The following VAV2 variants were observed in gnomAD, a reference collection of about 807,000 sequenced individuals.
VAV2 encodes vav guanine nucleotide exchange factor 2, also known as guanine nucleotide exchange factor VAV2.
A neutral mutation model predicts 132.5 loss-of-function variants in VAV2; 67 were observed. The ratio of observed to expected loss-of-function variants is 0.51; its 90% CI spans 0.42 to 0.62. The LOEUF is 0.62. Among genes scored for constraint, VAV2 ranks in the 20% least tolerant of loss-of-function variants. The pLI is 0.00. For synonymous variants in VAV2, 492 were observed against 443.5 expected, an observed-to-expected ratio of 1.11 and a Z score of -1.37; for missense variants, 938 against 1,153.6, an observed-to-expected ratio of 0.81 and a Z score of 2.71.
Position 133,762,677 on chromosome 9 carries a change from G to T in VAV2, c.*1385C>A. On this transcript the variant is annotated 3_prime_UTR_variant, in exon 30 of 30. Coordinates refer to ENST00000371850, the MANE Select transcript of VAV2 (RefSeq NM_001134398.2). This position sits in a 1 kb window ranked among gnomAD's most constrained non-coding sequence, Gnocchi z 5.0. ...TCCCCCTGCCGCTCCCCATCCCCAT[G>T]ACTCCTCCCGCCTCTTCCCTACACC... The T allele has an allele frequency of 6.6e-6, 1 of 152,334 alleles. No homozygotes were observed. Among genetic ancestry groups the T allele is most frequent in the Non-Finnish European group, 1.5e-5 (1 of 68,230 alleles). The allele number at this position is 152,334 out of a possible 1,614,324, so 9.4% of individuals were successfully genotyped here. A position where few individuals can be genotyped will look rare whatever the true frequency, so the allele number is the denominator to read the frequency against.
intron 4 of VAV2, among the ~76,000 whole-genome samples, chr9:133,817,686 C>T (rs186682141): frequency 2.0e-5 from 3 of 152,322 alleles, no homozygotes; most frequent in East Asian, 3.9e-4. Context: ...TTCCCTCTGC[C>T]GTGTGCAACT....
At chr9:133,771,820 A>T (rs1833636653) in intron 26 of VAV2, 139 bp downstream of exon 26, 1 of 829,938 alleles carries the variant, frequency 1.2e-6, no homozygotes, top group Non-Finnish European at 2.0e-6. Flanking sequence ...CTAGTGCCTT[A>T]AAAACCAATT....
At chr9:133,782,636 A>C (rs564999891) in intron 19 of VAV2, among the ~76,000 whole-genome samples, 1 of 152,362 alleles carries the variant, frequency 6.6e-6, no homozygotes, top group African/African-American at 2.4e-5. Context: ...AGCTGGCCTG[A>C]CTTGTTTTTC....
At chr9:133,765,816 GACAA>G (rs748922510) in intron 29 of VAV2, among the ~76,000 whole-genome samples, 13 of 152,182 alleles carry the variant, frequency 8.5e-5, no homozygotes, top group Non-Finnish European at 1.6e-4. Flanking sequence ...GAGAGAAATA[GACAA>G]ACACACACAC....
At chr9:133,819,665 TC>T (rs1199528668) in intron 4 of VAV2, among the ~76,000 whole-genome samples, 1 of 152,086 alleles carries the variant, frequency 6.6e-6, no homozygotes, top group African/African-American at 2.4e-5. Context: ...TACCGGGCCC[TC>T]CTTGTGGAGC....
intron 4 of VAV2, among the ~76,000 whole-genome samples, chr9:133,827,972 C>G (rs1328378833): frequency 7.3e-3 from 2 of 274 alleles, no homozygotes; most frequent in Non-Finnish European, 0.013. Context: ...CCACTGAGCA[C>G]GGGCATCACC....
In VAV2 at chr9:133,939,056, C is replaced by G. The variant is rs375863543; in HGVS notation, c.321+47G>C. On this transcript the variant is annotated intron_variant, in intron 2 of 29. Transcript: ENST00000371850. ...CCCACCTGCCGCTGAGCCGGCAAAT[C>G]GGCCACCACAGCTGAGCGACCGAGG... 7.0e-6 allele frequency: 11 copies of G among 1,564,890 alleles called. No homozygotes were observed. In the African/African-American group the frequency reaches 9.5e-5, roughly 13 times the overall value.
At chr9:133,960,816 T>A (rs1313820804) in intron 1 of VAV2, among the ~76,000 whole-genome samples, 1 of 151,998 alleles carries the variant, frequency 6.6e-6, no homozygotes, top group Non-Finnish European at 1.5e-5. Context: ...GAAGAAGAAC[T>A]CTCATAAGTA....
At chr9:133,777,625 A>G (rs541174687) in intron 22 of VAV2, among the ~76,000 whole-genome samples, 162 bp from the exon 23 acceptor site, 3 of 152,244 alleles carry the variant, frequency 2.0e-5, no homozygotes, top group African/African-American at 7.2e-5. Flanking sequence ...CAGTTAGGGC[A>G]GGGAGGTGCA....
chr9:133,806,222 C>T lies in VAV2; in HGVS notation c.736-41G>A, dbSNP rs201606734. On this transcript the variant is annotated intron_variant, in intron 8 of 29. Coordinates refer to ENST00000371850, the MANE Select transcript of VAV2 (RefSeq NM_001134398.2). ...GCCGTGAGTGCCTGGCCAGGCCCAC[C>T]CAAGGCTAGACGGGAGCGCCGCCCT... The T allele has an allele frequency of 7.0e-3, 11,102 of 1,584,654 alleles. 56 individuals carry two copies. The highest frequency in any genetic ancestry group is 7.7e-3 in the Non-Finnish European group (8,962 of 1,162,928).
chr9:133,813,272 G>A (rs1454845920), intron 4 of VAV2, among the ~76,000 whole-genome samples: 4 of 152,222 alleles, frequency 2.6e-5, no homozygotes, highest in South Asian at 2.1e-4. Flanking sequence ...CTAGAAGGAC[G>A]GAAATAAATG....
rs1195363448 is a variant in VAV2 at position 133,937,519 on chromosome 9, CGTGTGAGAGTGT to C, written c.321+1572_321+1583del. ...GTGTGTGCGTGTGAGTGTGTGTGCG[CGTGTGAGAGTGT>C]GTGTGAGAGTGTGTGTGTGTGTGTG... On this transcript the variant is annotated intron_variant, in intron 2 of 29. Coordinates refer to ENST00000371850, the MANE Select transcript of VAV2 (RefSeq NM_001134398.2). Among the ~76,000 whole-genome samples, 78 of 118,798 alleles carry C rather than the reference CGTGTGAGAGTGT, an allele frequency of 6.6e-4. No individual in the cohort carries two copies. The South Asian group carries it at 0.02, about 30-fold the overall frequency. The allele number at this position is 118,798 out of a possible 152,430, so 77.9% of individuals were successfully genotyped here.
At chr9:133,856,474 TGCTGGTATGTGC>T in intron 3 of VAV2, among the ~76,000 whole-genome samples, 1 of 150,194 alleles carries the variant, frequency 6.7e-6, no homozygotes, top group African/African-American at 2.5e-5. Context: ...CGGGACCCCA[TGCTGGTATGTGC>T]CCCCCACTGG....
intron 19 of VAV2, 77 bp downstream of exon 19, chr9:133,783,426 C>A (rs1834082770): frequency 2.1e-6 from 3 of 1,446,306 alleles, no homozygotes; most frequent in East Asian, 2.3e-5. Context: ...TGCCCGAGGC[C>A]CGTACCCAGG....
chr9:133,958,950 C>G (rs866921665), intron 1 of VAV2, among the ~76,000 whole-genome samples: 160 of 152,346 alleles, frequency 1.1e-3, no homozygotes, highest in African/African-American at 3.7e-3. Flanking sequence ...GCTCCCTGCC[C>G]CGCCCCAGGT....
chr9:133,847,957 A>G (rs1381825653), intron 3 of VAV2, among the ~76,000 whole-genome samples: 6 of 152,198 alleles, frequency 3.9e-5, no homozygotes, highest in Admixed American at 3.9e-4. Flanking sequence ...GTCCACTTCA[A>G]CAGCAATGGG....
At chr9:133,880,817 G>C (rs1838459634) in intron 2 of VAV2, among the ~76,000 whole-genome samples, 1 of 152,254 alleles carries the variant, frequency 6.6e-6, no homozygotes, top group Admixed American at 6.5e-5. Flanking sequence ...AAAATATCTA[G>C]GTAAAGCAGG....
intron 3 of VAV2, among the ~76,000 whole-genome samples, chr9:133,860,172 C>G (rs1417395075): frequency 5.3e-5 from 8 of 151,578 alleles, no homozygotes; most frequent in Non-Finnish European, 7.4e-5. Flanking sequence ...CGTGGTGGTG[C>G]GTGCCTGTAA....
In VAV2 at chr9:133,868,833, G is replaced by A. The variant is rs540872507; in HGVS notation, c.322-7401C>T. Among the ~76,000 whole-genome samples, 20 of 152,262 alleles carry A rather than the reference G, an allele frequency of 1.3e-4. No homozygotes were observed. In the East Asian group the frequency reaches 3.7e-3, roughly 28 times the overall value. ...ACCTCAGTCAAGACACTCAAGCCAG[G>A]CAATAGTGACCCAGAACAATGACCC... is the stretch of plus-strand genomic sequence containing the variant. On this transcript the variant is annotated intron_variant, in intron 2 of 29. Coordinates refer to ENST00000371850, the MANE Select transcript of VAV2 (RefSeq NM_001134398.2).
Sources: allele counts gnomAD v4.1 joint callset (sites outside exome capture counted in the v4.1 genomes callset), GRCh38; gene constraint gnomAD v4.1.1; non-coding constraint Gnocchi (gnomAD v3.1); transcripts MANE v1.5; gene names NCBI Gene and HGNC (gene_info 2026-07-23, HGNC 2026-07-21).